WDR91: variants seen among roughly 807,000 people sequenced by gnomAD.
WDR91 encodes the protein WD repeat domain 91, also known as WD repeat-containing protein 91.
WDR91 carries 52 observed loss-of-function variants against 88.4 expected under a neutral mutation model. The observed-to-expected ratio is 0.59, with a 90% confidence interval of 0.47 to 0.74. The LOEUF (loss-of-function observed/expected upper bound fraction) is 0.74. Among genes scored for constraint, WDR91 ranks in the 30% least tolerant of loss-of-function variants. WDR91 has a pLI of 0.00. For missense variants in WDR91, 824 were observed against 954.5 expected, an observed-to-expected ratio of 0.86 and a Z score of 1.80; for synonymous variants, 362 against 389.5, an observed-to-expected ratio of 0.93 and a Z score of 0.83.
intron 9 of WDR91, 36 bp downstream of exon 9, chr7:135,194,898 C>A: frequency 6.2e-7 from 1 of 1,609,922 alleles, no homozygotes; most frequent in Non-Finnish European, 8.5e-7. Flanking sequence ...CTCCACTGAG[C>A]CAGCAAAGCG....
In WDR91 at chr7:135,189,441, G is replaced by A. The variant is rs1261552496; in HGVS notation, c.1671C>T (p.Ser557=). ...TKTMKQQLQF[S]LDPEPIAINC... The stretch of plus-strand genomic sequence containing the variant: ...TGATAGCAATGGGTTCTGGATCCAG[G>A]GAGAACTGGAGCTATTGAAATAAAA... The change falls in exon 12 of 15, where the codon TCC becomes TCT. Residue 557 remains serine, a synonymous_variant. Transcript: ENST00000354475. The A allele has an allele frequency of 1.2e-6, 2 of 1,613,456 alleles. No homozygotes were observed. Among genetic ancestry groups the A allele is most frequent in the African/African-American group, 1.3e-5 (1 of 74,898 alleles).
rs199596029 is a variant in WDR91, at chr7:135,188,426, C to T, written c.1881+7G>A. The T allele has an allele frequency of 4.2e-5, 68 of 1,612,950 alleles. 1 individual carries two copies. In the East Asian group the frequency reaches 6.2e-4, roughly 15 times the overall value. On this transcript the variant is annotated splice_region_variant and intron_variant, in intron 13 of 14. Transcript: ENST00000354475. ...TGCTCTCTTATCTGAATCCTGCAGCCGCCTACCTTCCCGTCCTCGCCGATG... is the reference window on the plus strand; with the variant it reads ...TGCTCTCTTATCTGAATCCTGCAGCTGCCTACCTTCCCGTCCTCGCCGATG...
At chr7:135,187,678 T>C (rs1291231489) in intron 13 of WDR91, among the ~76,000 whole-genome samples, 1 of 152,158 alleles carries the variant, frequency 6.6e-6, no homozygotes, top group Non-Finnish European at 1.5e-5. Context: ...GCGATGCCAT[T>C]ATAAACTCAG....
At position 135,196,022 on chromosome 7, in the gene WDR91, G is replaced by C; in HGVS notation, c.1244+122C>G. 2.1e-6 allele frequency: 2 copies of C among 969,444 alleles called. No individual in the cohort carries two copies. Among genetic ancestry groups the C allele is most frequent in the Non-Finnish European group, 1.5e-6 (1 of 681,312 alleles). 60.1% of individuals were successfully genotyped at this position (969,444 alleles called of 1,614,324 possible). ...TCCAACCGACTCCCATGACTCTACT[G>C]CCATGACTGTGGCCCTCGTCCAAGC... On this transcript the variant is annotated intron_variant, in intron 8 of 14. Coordinates refer to ENST00000354475, the MANE Select transcript of WDR91 (RefSeq NM_014149.4). This position sits in a 1 kb window ranked among gnomAD's most constrained non-coding sequence, Gnocchi z 4.2.
intron 12 of WDR91, among the ~76,000 whole-genome samples, 163 bp downstream of exon 12, chr7:135,189,181 G>T (rs894855216): frequency 2.0e-5 from 3 of 152,172 alleles, no homozygotes; most frequent in African/African-American, 7.2e-5. Flanking sequence ...ATTACGGTGG[G>T]TGTTTTGAAA....
intron 4 of WDR91, 91 bp from the exon 5 acceptor site, chr7:135,206,149 C>A: frequency 1.9e-6 from 3 of 1,555,644 alleles, no homozygotes; most frequent in Non-Finnish European, 2.7e-6. Flanking sequence ...TCCAAGCCCA[C>A]TGGTCTGAGT....
Position 135,196,121 on chromosome 7 carries a change from C to T in WDR91, c.1244+23G>A. The T allele has an allele frequency of 6.8e-7, 1 of 1,476,344 alleles. No individual in the cohort carries two copies. Among genetic ancestry groups the T allele is most frequent in the Non-Finnish European group, 9.0e-7 (1 of 1,108,120 alleles). 91.5% of individuals were successfully genotyped at this position (1,476,344 alleles called of 1,614,324 possible). A position where few individuals can be genotyped will look rare whatever the true frequency, so the allele number is the denominator to read the frequency against. ...TGAAAATCTGAGCTTCCCAGGGTTT[C>T]CTTGGCCCCAGGCCCAACCCACCTG... On this transcript the variant is annotated intron_variant, in intron 8 of 14. Coordinates refer to ENST00000354475, the MANE Select transcript of WDR91 (RefSeq NM_014149.4). This position sits in a 1 kb window ranked among gnomAD's most constrained non-coding sequence, Gnocchi z 4.2.
chr7:135,207,345 T>A (rs776094624), intron 3 of WDR91, 143 bp from the exon 4 acceptor site: 1 of 694,928 alleles, frequency 1.4e-6, no homozygotes, highest in Admixed American at 1.8e-5. Context: ...GCGGGCTTAA[T>A]GAAATAGTCG....
At chr7:135,210,727 C>A in intron 1 of WDR91, 2 of 698,862 alleles carry the variant, frequency 2.9e-6, no homozygotes, top group South Asian at 1.5e-5. Flanking sequence ...AGGCAGGAAA[C>A]CAGATCTCCT....
intron 12 of WDR91, 147 bp downstream of exon 12, chr7:135,189,197 G>T: frequency 3.2e-6 from 2 of 634,016 alleles, no homozygotes; most frequent in East Asian, 2.8e-5. Flanking sequence ...TGAAAACGTT[G>T]ACCAAAGTTA....
rs1449296847 is a variant in WDR91, at chr7:135,185,955, G to A, written c.*196C>T. 7.1e-6 allele frequency: 4 copies of A among 561,534 alleles called. No homozygotes were observed. The South Asian group carries it at 8.1e-5, about 11-fold the overall frequency. 34.8% of individuals were successfully genotyped at this position (561,534 alleles called of 1,614,324 possible). On this transcript the variant is annotated 3_prime_UTR_variant, in exon 15 of 15. Coordinates refer to ENST00000354475, the MANE Select transcript of WDR91 (RefSeq NM_014149.4). ...CAGCCACAATACCAGTCTCTGGGAA[G>A]CATATGTCACCTACTCCACGTGGGT...
chr7:135,198,479 G>A (rs974065106), intron 6 of WDR91: 5 of 265,982 alleles, frequency 1.9e-5, no homozygotes, highest in African/African-American at 8.7e-5. Context: ...GATGACTAAG[G>A]CAGGCCGGGG....
At chr7:135,199,179 A>G (rs1434214239) in intron 6 of WDR91, 5 of 152,250 alleles carry the variant, frequency 3.3e-5, no homozygotes, top group Admixed American at 3.3e-4. Context: ...AAAATGATTA[A>G]CATGGATTCC....
rs201335059 is a variant in WDR91 at position 135,193,259 on chromosome 7, A to G, written c.1631T>C (p.Leu544Pro). Residue 544 changes from leucine (L) to proline (P), a missense_variant, in exon 11 of 15, where the codon CTG becomes CCG. Coordinates refer to ENST00000354475, the MANE Select transcript of WDR91 (RefSeq NM_014149.4). ...GMNQVPGRLL[L>P]WDTKTMKQQL... ...CTGCTTCATGGTTTTCGTGTCCCAC[A>G]GCAGCAGCCTGCCAGGAACCTGGTT... The G allele has an allele frequency of 6.2e-7, 1 of 1,614,140 alleles. No homozygotes were observed. Among genetic ancestry groups the G allele is most frequent in the Admixed American group, 1.7e-5 (1 of 60,036 alleles).
Position 135,208,848 on chromosome 7 carries a change from C to G in WDR91, c.454G>C (p.Ala152Pro). 1 of 1,614,022 alleles carries G rather than the reference C, an allele frequency of 6.2e-7. No homozygotes were observed. The highest frequency in any genetic ancestry group is 8.5e-7 in the Non-Finnish European group (1 of 1,179,928). The stretch of plus-strand genomic sequence containing the variant: ...TGCAGGGACACAATGAAGGTGTCAG[C>G]CCACTGTCGAGAAAAGTAGGTAGCA... ...TFATYFSRQW[A>P]DTFIVSLHNF... Residue 152 changes from alanine (A) to proline (P), a missense_variant, in exon 3 of 15, where the codon GCT (alanine) becomes CCT (proline). Transcript: ENST00000354475.
At chr7:135,210,519 C>G (rs1831976015) in intron 1 of WDR91, among the ~76,000 whole-genome samples, 1 of 152,184 alleles carries the variant, frequency 6.6e-6, no homozygotes, top group South Asian at 2.1e-4. Context: ...CAAAGTTCCA[C>G]GAAGCCGTGG....
Position 135,187,119 on chromosome 7 carries a change from G to C in WDR91, c.1932C>G (p.Ser644Arg). The change falls in exon 14 of 15, where the codon AGC (serine) becomes AGG (arginine). Residue 644 changes from serine to arginine, a missense_variant. Ser to Arg is a moderately radical substitution (Grantham distance 110, BLOSUM62 -1). Transcript: ENST00000354475. The stretch of plus-strand genomic sequence containing the variant: ...AGGGGCCCGTGGCATCTGAGGGGAG[G>C]CTGTACTCGGATACCTTGAGGCCAC... ...HKSGLKVSEYSLPSDATGPFV... is the reference protein window; with the variant it reads ...HKSGLKVSEYRLPSDATGPFV... 1 of 1,614,254 alleles carries C rather than the reference G, an allele frequency of 6.2e-7. No homozygotes were observed. The highest frequency in any genetic ancestry group is 1.1e-5 in the South Asian group (1 of 91,082).
At chr7:135,198,194 C>G (rs1562952075) in intron 6 of WDR91, 43 bp from the exon 7 acceptor site, 1 of 1,589,642 alleles carries the variant, frequency 6.3e-7, no homozygotes, top group Middle Eastern at 2.0e-4. Flanking sequence ...TCCCATCTGC[C>G]CAGGCCATGA....
At chr7:135,211,312 T>TG (rs947201008) in intron 1 of WDR91, 68 bp downstream of exon 1, 16 of 1,547,034 alleles carry the variant, frequency 1.0e-5, no homozygotes, top group Non-Finnish European at 1.4e-5. Context: ...GAGGCAGTGC[T>TG]GGGGGGAAGC....
Sources: allele counts gnomAD v4.1 joint callset (sites outside exome capture counted in the v4.1 genomes callset), GRCh38; gene constraint gnomAD v4.1.1; non-coding constraint Gnocchi (gnomAD v3.1); transcripts MANE v1.5; gene names NCBI Gene and HGNC (gene_info 2026-07-23, HGNC 2026-07-21).